The following RHOBTB3 variants were observed in gnomAD, a reference collection of about 807,000 sequenced individuals.
The protein encoded by RHOBTB3 is rho-related BTB domain-containing protein 3.
A neutral mutation model predicts 67.2 loss-of-function variants in RHOBTB3; 47 were observed. That is an observed-to-expected ratio of 0.70 (90% CI 0.55 to 0.89). The LOEUF is 0.89. Among genes scored for constraint, RHOBTB3 ranks in the 40% least tolerant of loss-of-function variants. The pLI is 0.00. For synonymous variants in RHOBTB3, 273 were observed against 274.2 expected (o/e 1.00, Z 0.04); for missense variants, 631 against 750.0 (o/e 0.84, Z 1.85).
At chr5:95,767,093 C>A (rs963984258) in intron 7 of RHOBTB3, among the ~76,000 whole-genome samples, 34 of 152,158 alleles carry the variant, frequency 2.2e-4, no homozygotes, top group African/African-American at 7.7e-4. Flanking sequence ...TGCCTGTAGT[C>A]CCAGCTTCTC....
At chr5:95,726,857 G>A (rs1343708366), upstream of RHOBTB3, among the ~76,000 whole-genome samples, 1 of 152,130 alleles carries the variant, frequency 6.6e-6, no homozygotes, top group African/African-American at 2.4e-5. Flanking sequence ...GTATCCTATT[G>A]CTGCCATGCC....
At chr5:95,763,087 A>G (rs1160929309) in intron 6 of RHOBTB3, among the ~76,000 whole-genome samples, 2 of 152,192 alleles carry the variant, frequency 1.3e-5, no homozygotes, top group South Asian at 2.1e-4. Context: ...TTGCTGCTGC[A>G]TGTTCCTCTA....
chr5:95,741,701 G>T (rs553567196), intron 3 of RHOBTB3, among the ~76,000 whole-genome samples: 2 of 151,826 alleles, frequency 1.3e-5, no homozygotes, highest in South Asian at 4.2e-4. Flanking sequence ...AGTGGGTTTG[G>T]GGGGAGGGAC....
intron 4 of RHOBTB3, among the ~76,000 whole-genome samples, chr5:95,750,129 G>A (rs149105053): frequency 6.6e-6 from 1 of 152,190 alleles, no homozygotes; most frequent in Non-Finnish European, 1.5e-5. Flanking sequence ...AAATAGAATG[G>A]CATTGGCAAA....
upstream of RHOBTB3, chr5:95,731,102 C>T: frequency 9.0e-7 from 1 of 1,105,634 alleles, no homozygotes; most frequent in African/African-American, 1.7e-5. Flanking sequence ...TGGGAGCTCT[C>T]GGGCTGGGGC....
chr5:95,759,941 CTTG>C (rs1745350022), intron 6 of RHOBTB3, among the ~76,000 whole-genome samples: 2 of 151,178 alleles, frequency 1.3e-5, no homozygotes, highest in South Asian at 4.2e-4. Context: ...ATCTCCTGTC[CTTG>C]TTTTTTTTTT....
chr5:95,745,117 A>T (rs554700677), intron 3 of RHOBTB3, among the ~76,000 whole-genome samples: 12 of 151,222 alleles, frequency 7.9e-5, no homozygotes, highest in African/African-American at 2.7e-4. Context: ...AATTAAAAAA[A>T]TGGAGATGGG....
At chr5:95,733,894 T>C (rs573360922) in intron 2 of RHOBTB3, among the ~76,000 whole-genome samples, 1 of 152,312 alleles carries the variant, frequency 6.6e-6, no homozygotes, top group South Asian at 2.1e-4. Flanking sequence ...GCCTTTGATA[T>C]CAAAAGGATC....
At chr5:95,730,307 T>C (rs1400879908), upstream of RHOBTB3, among the ~76,000 whole-genome samples, 2 of 152,084 alleles carry the variant, frequency 1.3e-5, no homozygotes, top group Non-Finnish European at 2.9e-5. Context: ...AATAAACAGA[T>C]AAAAGGATAA....
At chr5:95,754,352 A>G (rs1047676746) in intron 5 of RHOBTB3, among the ~76,000 whole-genome samples, 5 of 152,206 alleles carry the variant, frequency 3.3e-5, no homozygotes, top group African/African-American at 9.6e-5. Context: ...GCTCTGGGGC[A>G]CATGGCATTT....
intron 3 of RHOBTB3, among the ~76,000 whole-genome samples, chr5:95,743,621 C>T (rs78486362): frequency 0.029 from 4,330 of 151,790 alleles, 66 homozygotes; most frequent in Middle Eastern, 0.065. Flanking sequence ...TCCTGCCTCC[C>T]TCCCTGTCTT....
intron 8 of RHOBTB3, among the ~76,000 whole-genome samples, chr5:95,777,997 C>G (rs1395915836): frequency 6.6e-6 from 1 of 151,900 alleles, no homozygotes; most frequent in Non-Finnish European, 1.5e-5. Context: ...GCGCATGCCT[C>G]TAATCTCAGC....
intron 3 of RHOBTB3, among the ~76,000 whole-genome samples, chr5:95,745,977 G>C (rs1423157318): frequency 6.6e-6 from 1 of 152,046 alleles, no homozygotes; most frequent in Non-Finnish European, 1.5e-5. Context: ...CTCTCAAGAA[G>C]GTTTTAAGAA....
chr5:95,744,140 A>G (rs1755682002), intron 3 of RHOBTB3, among the ~76,000 whole-genome samples: 1 of 149,062 alleles, frequency 6.7e-6, no homozygotes, highest in African/African-American at 2.5e-5. Context: ...CAGGGAGGGG[A>G]GATCACAGTG....
chr5:95,790,167 A>G (rs976290564), intron 11 of RHOBTB3, among the ~76,000 whole-genome samples: 3 of 152,246 alleles, frequency 2.0e-5, no homozygotes, highest in African/African-American at 4.8e-5. Flanking sequence ...GCATAATCAC[A>G]TCAAAACAAA....
At chr5:95,780,087 A>C in intron 8 of RHOBTB3, 165 bp from the exon 9 acceptor site, 1 of 525,310 alleles carries the variant, frequency 1.9e-6, no homozygotes, top group Middle Eastern at 5.1e-4. Flanking sequence ...TGCTCCCTTT[A>C]AAATTAAGAA....
intron 2 of RHOBTB3, among the ~76,000 whole-genome samples, chr5:95,734,070 G>A (rs1018278359): frequency 3.3e-5 from 5 of 152,146 alleles, no homozygotes; most frequent in African/African-American, 1.2e-4. Flanking sequence ...ATAGAGGCTG[G>A]CATTTAGTAG....
chr5:95,786,293 T>C (rs1398891931), intron 10 of RHOBTB3, among the ~76,000 whole-genome samples: 2 of 152,230 alleles, frequency 1.3e-5, no homozygotes, highest in Non-Finnish European at 1.5e-5. Context: ...GAAATTGTCT[T>C]CTGGCAGAAT....
rs1216695953 is a variant in RHOBTB3 at position 95,772,592 on chromosome 5, A to G, written c.1282+4426A>G. Reference sequence around the variant, plus strand: ...TTTTGGGTTATTCTCTAAATGACTAATCTCATTCTTTGTGTGTGTGCTTTA... The same window carrying G: ...TTTTGGGTTATTCTCTAAATGACTAGTCTCATTCTTTGTGTGTGTGCTTTA... On this transcript the variant is annotated intron_variant, in intron 8 of 11. Transcript: ENST00000379982. Among the ~76,000 whole-genome samples, 5 of 152,242 alleles carry G rather than the reference A, an allele frequency of 3.3e-5. No homozygotes were observed. The East Asian group carries it at 9.7e-4, about 29-fold the overall frequency.
Sources: gnomAD v4.1 joint callset for allele counts (sites outside exome capture counted in the v4.1 genomes callset) on GRCh38, gnomAD v4.1.1 for gene constraint, MANE v1.5 for transcripts, NCBI Gene and HGNC (gene_info 2026-07-23, HGNC 2026-07-21) for gene names.